EPB41L4A: variants seen among roughly 807,000 people sequenced by gnomAD.
EPB41L4A encodes erythrocyte membrane protein band 4.1 like 4A.
Under a neutral mutation model 108.6 loss-of-function variants are expected in EPB41L4A, and 100 were observed. The ratio of observed to expected loss-of-function variants is 0.92; its 90% CI spans 0.78 to 1.09. The LOEUF (loss-of-function observed/expected upper bound fraction) is 1.09. Ranked by LOEUF, EPB41L4A falls within the 50% of genes least tolerant of loss-of-function variation. The probability of loss-of-function intolerance (pLI) is 0.00; values close to 1 mark genes in which losing one functional copy is unlikely to be tolerated. For synonymous variants in EPB41L4A, 319 were observed against 289.0 expected, an observed-to-expected ratio of 1.10 and a Z score of -1.05; for missense variants, 1,030 against 842.7, an observed-to-expected ratio of 1.22 and a Z score of -2.75.
intron 1 of EPB41L4A, among the ~76,000 whole-genome samples, chr5:112,394,539 T>A (rs1263539138): frequency 1.3e-5 from 2 of 152,166 alleles, no homozygotes; most frequent in Non-Finnish European, 2.9e-5. Context: ...GCAAGGGATG[T>A]GAAGGACCTC....
downstream of EPB41L4A, chr5:112,162,579 A>G (rs186408051): frequency 2.8e-4 from 42 of 152,332 alleles, no homozygotes; most frequent in Non-Finnish European, 5.4e-4. Flanking sequence ...TAATGTTGCC[A>G]TATCTTCTGC....
chr5:112,266,946 T>C (rs529031274), intron 4 of EPB41L4A, among the ~76,000 whole-genome samples: 18 of 152,334 alleles, frequency 1.2e-4, no homozygotes, highest in Admixed American at 7.2e-4. Context: ...CAGTATATTA[T>C]ATTCTCCATT....
chr5:112,233,088 G>A (rs147914584), intron 12 of EPB41L4A, among the ~76,000 whole-genome samples: 140 of 152,084 alleles, frequency 9.2e-4, no homozygotes, highest in African/African-American at 3.3e-3. Flanking sequence ...ACAGTAGAAT[G>A]AATAAATTGT....
At chr5:112,411,078 G>C (rs1561654663) in intron 1 of EPB41L4A, among the ~76,000 whole-genome samples, 1 of 152,128 alleles carries the variant, frequency 6.6e-6, no homozygotes, top group Non-Finnish European at 1.5e-5. Context: ...CATAACTGGT[G>C]ACCAAAGCAT....
intron 1 of EPB41L4A, among the ~76,000 whole-genome samples, chr5:112,401,022 T>C (rs1307965733): frequency 6.6e-6 from 1 of 152,102 alleles, no homozygotes; most frequent in African/African-American, 2.4e-5. Context: ...CATTAAAAAA[T>C]CAAAATACTC....
chr5:112,401,162 A>G (rs1310479533), intron 1 of EPB41L4A, among the ~76,000 whole-genome samples: 1 of 152,180 alleles, frequency 6.6e-6, no homozygotes, highest in Non-Finnish European at 1.5e-5. Context: ...GAGGAAATGA[A>G]AAAGTCACAG....
At chr5:112,153,002 T>C (rs1165719510) in intron 12 of EPB41L4A, among the ~76,000 whole-genome samples, 2 of 144,056 alleles carry the variant, frequency 1.4e-5, no homozygotes, top group East Asian at 2.1e-4. Context: ...GTGGATAGCT[T>C]CAGTTCAGGA....
intron 1 of EPB41L4A, among the ~76,000 whole-genome samples, chr5:112,325,845 A>C (rs1756123330): frequency 6.6e-6 from 1 of 152,164 alleles, no homozygotes; most frequent in African/African-American, 2.4e-5. Flanking sequence ...TATTCTATGA[A>C]TATGTTAAGA....
At position 112,264,893 on chromosome 5, in the gene EPB41L4A, T is replaced by C. The variant is rs200525251; in HGVS notation, c.554+3A>G. On this transcript the variant is annotated splice_donor_region_variant and intron_variant, in intron 6 of 22. Transcript: ENST00000261486. ...CAATAAGACATGGTGTAATGATTCT[T>C]ACATTAGAGTTTTATGAATCCTTTC... is the stretch of plus-strand genomic sequence containing the variant. 16 of 1,609,072 alleles carry C rather than the reference T, an allele frequency of 9.9e-6. No individual in the cohort carries two copies. The highest frequency in any genetic ancestry group is 5.1e-5 in the Admixed American group (3 of 58,918).
intron 12 of EPB41L4A, among the ~76,000 whole-genome samples, chr5:112,213,090 G>T (rs1383356482): frequency 6.6e-6 from 1 of 152,040 alleles, no homozygotes; most frequent in Non-Finnish European, 1.5e-5. Context: ...GCATTATTTG[G>T]ATGGTTTTCC....
rs1282327469 is a variant in EPB41L4A, at chr5:112,275,401, C to A, written c.260G>T (p.Gly87Val). The change falls in exon 4 of 23, where the codon GGA becomes GTA. Residue 87 changes from glycine (G) to valine (V), a missense_variant. Gly to Val is a moderately radical substitution (Grantham distance 109). Coordinates refer to ENST00000261486, the MANE Select transcript of EPB41L4A (RefSeq NM_022140.5). ...ACCAAAATACAAAGTATATGGAGGT[C>A]CAGCTAAAATAAGAAATAGAAATTA... is the stretch of plus-strand genomic sequence containing the variant. Reference protein sequence around the residue: ...LAEHKELINTGPPYTLYFGIK... With the variant: ...LAEHKELINTVPPYTLYFGIK... 1.3e-6 allele frequency: 2 copies of A among 1,536,556 alleles called. No individual in the cohort carries two copies. Among genetic ancestry groups the A allele is most frequent in the Admixed American group, 2.0e-5 (1 of 50,234 alleles).
At chr5:112,250,356 G>A (rs1750572081) in intron 9 of EPB41L4A, among the ~76,000 whole-genome samples, 1 of 152,094 alleles carries the variant, frequency 6.6e-6, no homozygotes, top group Non-Finnish European at 1.5e-5. Context: ...TTATTTGAAG[G>A]AATTCACAGA....
At chr5:112,407,820 C>T (rs1040515848) in intron 1 of EPB41L4A, among the ~76,000 whole-genome samples, 1 of 152,170 alleles carries the variant, frequency 6.6e-6, no homozygotes, top group Non-Finnish European at 1.5e-5. Flanking sequence ...AGGACTAAAA[C>T]AATCCTTCAA....
chr5:112,298,365 G>A (rs889312266), intron 2 of EPB41L4A, among the ~76,000 whole-genome samples: 6 of 152,036 alleles, frequency 3.9e-5, no homozygotes, highest in Non-Finnish European at 8.8e-5. Flanking sequence ...TCCCTCGTAT[G>A]CCAATTTTGC....
intron 2 of EPB41L4A, among the ~76,000 whole-genome samples, chr5:112,295,563 G>A (rs1005497612): frequency 5.4e-4 from 82 of 152,142 alleles, no homozygotes; most frequent in Admixed American, 5.0e-3. Context: ...TTTCAGCCCT[G>A]TCAAGCTGCT....
chr5:112,235,186 A>T (rs1749243167), intron 11 of EPB41L4A, among the ~76,000 whole-genome samples: 1 of 152,220 alleles, frequency 6.6e-6, no homozygotes, highest in Non-Finnish European at 1.5e-5. Context: ...GTATGATTTT[A>T]TTCTGGACTC....
At chr5:112,409,987 T>A (rs113311759) in intron 1 of EPB41L4A, among the ~76,000 whole-genome samples, 1,714 of 152,200 alleles carry the variant, frequency 0.011, 32 homozygotes, top group African/African-American at 0.038. Flanking sequence ...AGCAGGAAAG[T>A]ACAAAAACTA....
chr5:112,320,285 G>T (rs1755690416), intron 1 of EPB41L4A, among the ~76,000 whole-genome samples: 1 of 152,258 alleles, frequency 6.6e-6, no homozygotes, highest in East Asian at 1.9e-4. Context: ...GGAGAAGGCT[G>T]TGACCCACTC....
At chr5:112,372,624 G>T (rs987716913) in intron 1 of EPB41L4A, among the ~76,000 whole-genome samples, 2 of 152,170 alleles carry the variant, frequency 1.3e-5, no homozygotes, top group South Asian at 4.1e-4. Context: ...GTGGGTGGAG[G>T]GGAAAGTGGT....
Sources: gnomAD v4.1 joint callset for allele counts (sites outside exome capture counted in the v4.1 genomes callset) on GRCh38, gnomAD v4.1.1 for gene constraint, MANE v1.5 for transcripts, NCBI Gene and HGNC (gene_info 2026-07-23, HGNC 2026-07-21) for gene names.